The following NUMB variants were observed in gnomAD, a reference collection of about 807,000 sequenced individuals.
NUMB encodes protein numb homolog.
Under a neutral mutation model 59.7 loss-of-function variants are expected in NUMB, and 29 were observed. That is an observed-to-expected ratio of 0.49 (90% confidence interval 0.36 to 0.66). The LOEUF (loss-of-function observed/expected upper bound fraction) is 0.66. Among genes scored for constraint, NUMB ranks in the 30% least tolerant of loss-of-function variants. The pLI is 0.00. For missense variants in NUMB, 723 were observed against 822.0 expected (o/e 0.88, Z 1.47); for synonymous variants, 288 against 288.2 (o/e 1.00, Z 0.01).
chr14:73,352,355 G>T (rs1893340872), intron 4 of NUMB, among the ~76,000 whole-genome samples: 1 of 148,774 alleles, frequency 6.7e-6, no homozygotes, highest in African/African-American at 2.5e-5. Context: ...CTAGGATCAA[G>T]TTTTTTTCTT....
intron 8 of NUMB, among the ~76,000 whole-genome samples, chr14:73,291,711 T>C (rs1594869484): frequency 6.9e-6 from 1 of 144,342 alleles, no homozygotes; most frequent in Non-Finnish European, 1.5e-5. Flanking sequence ...TTGGCCAGAG[T>C]CTTGCTCTGT....
intron 4 of NUMB, among the ~76,000 whole-genome samples, chr14:73,348,901 C>T (rs1259554640): frequency 4.6e-5 from 7 of 152,134 alleles, no homozygotes; most frequent in African/African-American, 1.7e-4. Flanking sequence ...ACACTGTATA[C>T]AAACCTCTCA....
At chr14:73,372,400 T>TACG (rs1894752882) in intron 2 of NUMB, among the ~76,000 whole-genome samples, 1 of 144,936 alleles carries the variant, frequency 6.9e-6, no homozygotes. Flanking sequence ...TGTCAGTGTA[T>TACG]ACGCATACAC....
chr14:73,407,226 C>A (rs762059966), intron 2 of NUMB, among the ~76,000 whole-genome samples: 2 of 151,850 alleles, frequency 1.3e-5, no homozygotes, highest in African/African-American at 2.4e-5. Context: ...CCGAGATGAG[C>A]AGATGGCTTG....
In NUMB at chr14:73,388,977, C is replaced by T. The variant is rs1316452221; in HGVS notation, c.-101+20960G>A. ...AGCAGGGCGTGGTGGCGGGCGCCTG[C>T]AGTCCCAGCTACCAGAGAGGCTGCG... is the stretch of plus-strand genomic sequence containing the variant. On this transcript the variant is annotated intron_variant, in intron 2 of 12. Transcript: ENST00000555238. Among the ~76,000 whole-genome samples the T allele has an allele frequency of 2.6e-5, 4 of 151,956 alleles. No homozygotes were observed. In the East Asian group the frequency reaches 7.8e-4, roughly 29 times the overall value.
chr14:73,389,272 CA>C (rs869074049), intron 2 of NUMB, among the ~76,000 whole-genome samples: 36 of 66,478 alleles, frequency 5.4e-4, no homozygotes, highest in Middle Eastern at 7.4e-3. Context: ...CTCCATCTCT[CA>C]AAAAAAAAAA....
At chr14:73,434,720 G>GAA (rs140956201) in intron 1 of NUMB, among the ~76,000 whole-genome samples, 229 of 147,180 alleles carry the variant, frequency 1.6e-3, no homozygotes, top group African/African-American at 5.5e-3. Flanking sequence ...TTTTGTAATA[G>GAA]AAAAAAAAAA....
At chr14:73,394,333 A>C (rs1196431122) in intron 2 of NUMB, among the ~76,000 whole-genome samples, 1 of 151,978 alleles carries the variant, frequency 6.6e-6, no homozygotes, top group Non-Finnish European at 1.5e-5. Flanking sequence ...GCTAATTAAC[A>C]TATCCATCAC....
chr14:73,423,598 G>A (rs570569740), intron 1 of NUMB, among the ~76,000 whole-genome samples: 36 of 151,340 alleles, frequency 2.4e-4, no homozygotes, highest in African/African-American at 7.0e-4. Context: ...CCAAAATCAC[G>A]CCACTGCACT....
intron 4 of NUMB, among the ~76,000 whole-genome samples, chr14:73,343,352 G>A (rs781417927): frequency 6.6e-6 from 1 of 152,182 alleles, no homozygotes; most frequent in Non-Finnish European, 1.5e-5. Flanking sequence ...CCTGATTAAA[G>A]TAGTGGCAGT....
intron 1 of NUMB, among the ~76,000 whole-genome samples, chr14:73,441,194 T>C (rs1213204093): frequency 1.3e-5 from 2 of 152,032 alleles, no homozygotes; most frequent in African/African-American, 2.4e-5. Flanking sequence ...AAATGGCCAA[T>C]AAGCATATGA....
chr14:73,376,426 T>C (rs1251348125), intron 2 of NUMB, among the ~76,000 whole-genome samples: 5 of 151,934 alleles, frequency 3.3e-5, no homozygotes, highest in African/African-American at 7.3e-5. Context: ...TGTTCATGAA[T>C]AGGCAGACTC....
At chr14:73,319,984 T>A (rs985540737) in intron 5 of NUMB, among the ~76,000 whole-genome samples, 10 of 151,958 alleles carry the variant, frequency 6.6e-5, no homozygotes, top group Admixed American at 6.6e-4. Context: ...ACAAAAAAAC[T>A]AGCCAGGTGT....
rs74064613 is a variant in NUMB at position 73,355,779 on chromosome 14, G to A, written c.-15-13C>T. On this transcript the variant is annotated splice_polypyrimidine_tract_variant and intron_variant, in intron 3 of 12. Transcript: ENST00000555238. ...TAATTTTTACAGCCTGAAGACAGAG[G>A]AAAAAAAATATTTAAAAGAAATATT... 8.9e-4 allele frequency: 1,402 copies of A among 1,567,684 alleles called. 7 individuals carry two copies. The African/African-American group carries it at 0.017, about 19-fold the overall frequency.
chr14:73,355,788 T>G (rs758519336), intron 3 of NUMB, 22 bp from the exon 4 acceptor site: 2 of 1,559,506 alleles, frequency 1.3e-6, no homozygotes, highest in South Asian at 2.3e-5. Flanking sequence ...GGAAAAAAAA[T>G]ATTTAAAAGA....
At chr14:73,392,386 G>T (rs551679927) in intron 2 of NUMB, among the ~76,000 whole-genome samples, 3 of 152,310 alleles carry the variant, frequency 2.0e-5, no homozygotes, top group African/African-American at 7.2e-5. Context: ...AAAGTTGAAT[G>T]CAAAGGCTCT....
At chr14:73,282,603 C>T (rs2139805035) in intron 10 of NUMB, 98 bp from the exon 11 acceptor site, 1 of 1,278,404 alleles carries the variant, frequency 7.8e-7, no homozygotes, top group Non-Finnish European at 1.1e-6. Flanking sequence ...GTATCTCCTG[C>T]TTATGTAAGA....
At chr14:73,348,345 CA>C (rs1294606657) in intron 4 of NUMB, among the ~76,000 whole-genome samples, 2 of 152,100 alleles carry the variant, frequency 1.3e-5, no homozygotes, top group Non-Finnish European at 2.9e-5. Context: ...TTGGAAAGGA[CA>C]AAACAAAACG....
chr14:73,336,090 CA>C (rs1435120473), intron 4 of NUMB, among the ~76,000 whole-genome samples: 7 of 151,972 alleles, frequency 4.6e-5, no homozygotes, highest in Middle Eastern at 3.2e-3. Flanking sequence ...ATAAGGTGTC[CA>C]AAAAGTGAGT....
Sources: allele counts gnomAD v4.1 joint callset (sites outside exome capture counted in the v4.1 genomes callset), GRCh38; gene constraint gnomAD v4.1.1; transcripts MANE v1.5; gene names NCBI Gene and HGNC (gene_info 2026-07-23, HGNC 2026-07-21).